TRIP12: variants seen among roughly 807,000 people sequenced by gnomAD.
TRIP12 encodes the protein thyroid hormone receptor interactor 12, also known as E3 ubiquitin-protein ligase TRIP12.
TRIP12 carries 25 observed loss-of-function variants against 244.2 expected under a neutral mutation model. That is an observed-to-expected ratio of 0.10 (90% CI 0.07 to 0.14). TRIP12 has a LOEUF of 0.14. Ranked by LOEUF, TRIP12 falls within the 10% of genes least tolerant of loss-of-function variation. The pLI is 1.00. For synonymous variants in TRIP12, 905 were observed against 873.1 expected (o/e 1.04, Z -0.64); for missense variants, 1,677 against 2,486.4 (o/e 0.67, Z 6.92).
At chr2:229,848,317 G>GCC (rs564310004) in intron 4 of TRIP12, among the ~76,000 whole-genome samples, 6 of 128,828 alleles carry the variant, frequency 4.7e-5, no homozygotes, top group African/African-American at 8.9e-5. Flanking sequence ...CAAAATGCAG[G>GCC]CCCCCCCCGC....
At chr2:229,829,628 A>C (rs768191454) in intron 7 of TRIP12, among the ~76,000 whole-genome samples, 28 of 152,190 alleles carry the variant, frequency 1.8e-4, no homozygotes, top group Non-Finnish European at 3.2e-4. Flanking sequence ...AAACAGTATG[A>C]TTTTTATTAG....
At chr2:229,786,337 T>C (rs2039985558) in intron 33 of TRIP12, among the ~76,000 whole-genome samples, 1 of 151,960 alleles carries the variant, frequency 6.6e-6, no homozygotes, top group Admixed American at 6.6e-5. Flanking sequence ...CCTGCTAGAT[T>C]TCTAATTTAT....
At position 229,786,664 on chromosome 2, in the gene TRIP12, G is replaced by A. The variant is rs775078722; in HGVS notation, c.4996-809C>T. 1.3e-4 allele frequency among the ~76,000 whole-genome samples: 18 copies of A among 138,934 alleles called. 1 individual carries two copies. The highest frequency in any genetic ancestry group is 7.1e-4 in the South Asian group (3 of 4,236). 91.1% of individuals were successfully genotyped at this position (138,934 alleles called of 152,430 possible). A position where few individuals can be genotyped will look rare whatever the true frequency, so the allele number is the denominator to read the frequency against. Reference sequence around the variant, plus strand: ...GATCTCCTGACCTCATGATCCGCCCGCCTCGGCCTCCCAAAGTGCTGGGAT... The same window carrying A: ...GATCTCCTGACCTCATGATCCGCCCACCTCGGCCTCCCAAAGTGCTGGGAT... On this transcript the variant is annotated intron_variant, in intron 33 of 41. Transcript: ENST00000675903.
chr2:229,768,163 A>G (rs1052334752), intron 41 of TRIP12, among the ~76,000 whole-genome samples: 3 of 152,160 alleles, frequency 2.0e-5, no homozygotes, highest in Non-Finnish European at 4.4e-5. Flanking sequence ...AGGAGGCTGA[A>G]GCAGGAGGAT....
chr2:229,858,681 GA>G (rs1185065299), intron 4 of TRIP12, 90 bp downstream of exon 4: 24 of 1,153,358 alleles, frequency 2.1e-5, no homozygotes, highest in Middle Eastern at 5.9e-4. Flanking sequence ...AGACTGGGGG[GA>G]AAAAACCCTT....
chr2:229,768,905 A>G (rs1407268540), intron 40 of TRIP12, among the ~76,000 whole-genome samples, 186 bp from the exon 41 acceptor site: 1 of 152,236 alleles, frequency 6.6e-6, no homozygotes, highest in Non-Finnish European at 1.5e-5. Flanking sequence ...GAATGATTAC[A>G]GTTGTAATAA....
In TRIP12 at chr2:229,787,528, C is replaced by T. The variant is rs769331583; in HGVS notation, c.4972G>A (p.Ala1658Thr). 1.2e-6 allele frequency: 2 copies of T among 1,612,416 alleles called. No homozygotes were observed. Among genetic ancestry groups the T allele is most frequent in the South Asian group, 1.1e-5 (1 of 90,514 alleles). Residue 1658 changes from alanine (A) to threonine (T), a missense_variant, in exon 33 of 42, where the codon GCA becomes ACA. By Grantham distance (58) the Ala-to-Thr change is moderately conservative. Coordinates refer to ENST00000675903, the MANE Select transcript of TRIP12 (RefSeq NM_001348323.3). ...NQSDSQDSRV[A>T]PRLDRKKRTV... ...ACTTTTTTTCTATCCAATCTAGGTG[C>T]AACTCTGCTATCTTGAGAATCAGAC... is the stretch of plus-strand genomic sequence containing the variant.
intron 18 of TRIP12, among the ~76,000 whole-genome samples, chr2:229,804,901 TTTAA>T (rs1223785709): frequency 6.7e-6 from 1 of 149,806 alleles, no homozygotes; most frequent in Non-Finnish European, 1.5e-5. Context: ...CTTTATTTTA[TTTAA>T]TTAATTTATT....
chr2:229,908,076 T>A (rs1029633987), intron 1 of TRIP12, among the ~76,000 whole-genome samples: 8 of 152,142 alleles, frequency 5.3e-5, no homozygotes, highest in African/African-American at 1.9e-4. Flanking sequence ...ATTCATACAT[T>A]ATCACATTAT....
At chr2:229,808,123 C>G in intron 16 of TRIP12, 129 bp downstream of exon 16, 5 of 748,594 alleles carry the variant, frequency 6.7e-6, no homozygotes, top group South Asian at 1.8e-5. Flanking sequence ...CCCGCCACTA[C>G]GCCCAGGTAA....
upstream of TRIP12, chr2:229,922,554 G>C (rs2076761020): frequency 6.2e-7 from 1 of 1,614,052 alleles, no homozygotes. Context: ...GAAACTGTAG[G>C]ACAAGGCCCG....
Position 229,839,463 on chromosome 2 carries a change from G to A in TRIP12, c.1133+1359C>T, listed in dbSNP as rs535735830. ...GAGGCCGAGGCAGGTGGATCACGAGGTCAGGAGACCGAGACCATCCCGGTT... is the reference window on the plus strand; with the variant it reads ...GAGGCCGAGGCAGGTGGATCACGAGATCAGGAGACCGAGACCATCCCGGTT... On this transcript the variant is annotated intron_variant, in intron 5 of 41. Coordinates refer to ENST00000675903, the MANE Select transcript of TRIP12 (RefSeq NM_001348323.3). Among the ~76,000 whole-genome samples, 27 of 152,084 alleles carry A rather than the reference G, an allele frequency of 1.8e-4. No individual in the cohort carries two copies. The South Asian group carries it at 4.8e-3, about 27-fold the overall frequency.
intron 1 of TRIP12, among the ~76,000 whole-genome samples, chr2:229,909,451 A>G (rs1280823433): frequency 2.6e-5 from 4 of 151,992 alleles, no homozygotes; most frequent in Non-Finnish European, 4.4e-5. Flanking sequence ...CCAGCTAGTC[A>G]AGAGGTTAGG....
chr2:229,837,530 G>A (rs2055150473), intron 5 of TRIP12, among the ~76,000 whole-genome samples: 1 of 152,080 alleles, frequency 6.6e-6, no homozygotes, highest in South Asian at 2.1e-4. Flanking sequence ...AGCTACTTGG[G>A]AGGCCAAGAC....
intron 8 of TRIP12, among the ~76,000 whole-genome samples, chr2:229,820,361 T>C (rs2049716756): frequency 6.6e-6 from 1 of 152,060 alleles, no homozygotes; most frequent in South Asian, 2.1e-4. Context: ...TACACTAAAC[T>C]GAAGATGACA....
chr2:229,873,466 T>C (rs2063046317), intron 2 of TRIP12, among the ~76,000 whole-genome samples: 2 of 152,216 alleles, frequency 1.3e-5, no homozygotes, highest in Non-Finnish European at 2.9e-5. Context: ...TGGCCACCAT[T>C]TGTAAATGAT....
At chr2:229,825,556 C>T (rs960789647) in intron 8 of TRIP12, among the ~76,000 whole-genome samples, 15 of 152,110 alleles carry the variant, frequency 9.9e-5, no homozygotes, top group African/African-American at 3.6e-4. Flanking sequence ...GGCACTTCCT[C>T]ACAGGGCAGC....
At chr2:229,864,047 A>AGAGAGAGAGAGAGAGAGTGAGTGT in intron 2 of TRIP12, among the ~76,000 whole-genome samples, 21 of 79,254 alleles carry the variant, frequency 2.6e-4, no homozygotes, top group East Asian at 8.7e-4. Context: ...AGAGAGAGAG[A>AGAGAGAGAGAGAGAGAGTGAGTGT]GTGTGTGTGT....
At chr2:229,829,414 C>A (rs1553653236) in intron 7 of TRIP12, 126 bp from the exon 8 acceptor site, 1 of 698,954 alleles carries the variant, frequency 1.4e-6, no homozygotes, top group Non-Finnish European at 2.3e-6. Context: ...GCTTTCTGGA[C>A]TTTTAAGAGA....
Sources: allele counts gnomAD v4.1 joint callset (sites outside exome capture counted in the v4.1 genomes callset), GRCh38; gene constraint gnomAD v4.1.1; transcripts MANE v1.5; gene names NCBI Gene and HGNC (gene_info 2026-07-23, HGNC 2026-07-21).